The following PUM2 variants were observed in gnomAD, a reference collection of about 807,000 sequenced individuals.
PUM2 encodes the protein pumilio RNA binding family member 2.
In PUM2, 57 loss-of-function variants were observed where a neutral mutation model predicts 124.5. That is an observed-to-expected ratio of 0.46 (90% CI 0.37 to 0.57). The LOEUF is 0.57. PUM2 is among the 20% of genes least tolerant of loss of function. PUM2 has a pLI of 0.00. For missense variants in PUM2, 1,065 were observed against 1,290.6 expected, an observed-to-expected ratio of 0.83 and a Z score of 2.68; for synonymous variants, 460 against 446.1, an observed-to-expected ratio of 1.03 and a Z score of -0.39.
At chr2:20,279,634 A>C (rs1244183050) in intron 12 of PUM2, among the ~76,000 whole-genome samples, 56 of 152,072 alleles carry the variant, frequency 3.7e-4, no homozygotes, top group Admixed American at 3.6e-3. Context: ...TGCATACCAA[A>C]TTTTTACTTA....
At chr2:20,350,854 C>T (rs1558707040), upstream of PUM2, 1 of 957,510 alleles carries the variant, frequency 1.0e-6, no homozygotes, top group Non-Finnish European at 1.2e-6. Flanking sequence ...TCCCCCCCGC[C>T]CACCGGGCGC....
Position 20,287,236 on chromosome 2 carries a change from T to C in PUM2, c.1291+3416A>G, listed in dbSNP as rs146144530. The stretch of plus-strand genomic sequence containing the variant: ...CCACATTAAAATAAGAGTTGTAGAA[T>C]GGTGAAAATAAACCACAAATAGCTA... On this transcript the variant is annotated intron_variant, in intron 10 of 20. Transcript: ENST00000361078. 5.0e-3 allele frequency among the ~76,000 whole-genome samples: 765 copies of C among 152,260 alleles called. 6 individuals are homozygous for C. The highest frequency in any genetic ancestry group is 0.018 in the African/African-American group (739 of 41,538).
intron 1 of PUM2, among the ~76,000 whole-genome samples, chr2:20,331,117 C>T (rs989500879): frequency 7.0e-6 from 1 of 141,878 alleles, no homozygotes; most frequent in African/African-American, 2.6e-5. Context: ...TTGGTTCAGA[C>T]AACTTGGGGA....
rs1663258103 is a variant in PUM2 at position 20,251,410 on chromosome 2, C to T, written c.*175G>A. ...ATATAATTTATAATTCATCCCCCAC[C>T]CCCCAAATATACACAAGAACCTTAA... is the stretch of plus-strand genomic sequence containing the variant. On this transcript the variant is annotated 3_prime_UTR_variant, in exon 21 of 21. Transcript: ENST00000361078. 1.4e-6 allele frequency: 1 copy of T among 707,566 alleles called. No individual in the cohort carries two copies. Among genetic ancestry groups the T allele is most frequent in the East Asian group, 3.1e-5 (1 of 32,740 alleles). 43.8% of individuals were successfully genotyped at this position (707,566 alleles called of 1,614,324 possible). A position where few individuals can be genotyped will look rare whatever the true frequency, so the allele number is the denominator to read the frequency against.
intron 1 of PUM2, among the ~76,000 whole-genome samples, chr2:20,336,799 TGTGG>T (rs895164744): frequency 7.8e-5 from 9 of 115,432 alleles, no homozygotes; most frequent in Admixed American, 1.9e-4. Flanking sequence ...TGTGTGTGTG[TGTGG>T]TACAGACGGG....
intron 8 of PUM2, among the ~76,000 whole-genome samples, chr2:20,295,492 C>A (rs936053245): frequency 6.6e-6 from 1 of 151,572 alleles, no homozygotes; most frequent in African/African-American, 2.4e-5. Flanking sequence ...GTAAGCTGAA[C>A]CTGAAATGAG....
Position 20,297,564 on chromosome 2 carries a change from G to T in PUM2, c.998C>A (p.Ala333Asp), listed in dbSNP as rs1469866416. The change falls in exon 8 of 21, where the codon GCT becomes GAT. Residue 333 changes from alanine (A) to aspartate (D), a missense_variant. This residue lies in a region of PUM2 where 968 missense variants were observed against 1,159.8 expected (regional missense o/e 0.83). Coordinates refer to ENST00000361078, the MANE Select transcript of PUM2 (RefSeq NM_015317.5). ...PYTAAGLAAAATLAGPAVVPP... is the reference protein window; with the variant it reads ...PYTAAGLAAADTLAGPAVVPP... ...AAATAGTATGTTACCTGCTAATGTA[G>T]CTGCTGCAGCCAATCCTGCTGCAGT... 2.5e-6 allele frequency: 4 copies of T among 1,598,834 alleles called. No individual in the cohort carries two copies. Among genetic ancestry groups the T allele is most frequent in the Non-Finnish European group, 3.4e-6 (4 of 1,170,836 alleles).
intron 20 of PUM2, 148 bp from the exon 21 acceptor site, chr2:20,251,864 T>C (rs1663438666): frequency 3.5e-6 from 3 of 864,856 alleles, no homozygotes; most frequent in Non-Finnish European, 3.5e-6. Flanking sequence ...GCAAAAGCAG[T>C]TGTGATCTGC....
chr2:20,293,528 G>A (rs934515987), intron 9 of PUM2, among the ~76,000 whole-genome samples: 4 of 152,084 alleles, frequency 2.6e-5, no homozygotes, highest in Non-Finnish European at 1.5e-5. Flanking sequence ...GGCCAACATG[G>A]TGAAACCCCG....
chr2:20,305,152 G>GT (rs1381233070), intron 7 of PUM2, among the ~76,000 whole-genome samples: 9 of 152,038 alleles, frequency 5.9e-5, no homozygotes, highest in African/African-American at 2.2e-4. Flanking sequence ...TAAAGATTAC[G>GT]TAAGTCCAAT....
intron 9 of PUM2, among the ~76,000 whole-genome samples, chr2:20,294,024 A>G (rs1389128283): frequency 1.3e-5 from 2 of 152,200 alleles, no homozygotes; most frequent in South Asian, 2.1e-4. Context: ...ACACATTAAC[A>G]TTTAAAATTG....
At chr2:20,337,665 T>A (rs923580571) in intron 1 of PUM2, among the ~76,000 whole-genome samples, 1 of 152,222 alleles carries the variant, frequency 6.6e-6, no homozygotes, top group African/African-American at 2.4e-5. Context: ...TTTAAAACAT[T>A]TATAAACTGC....
intron 5 of PUM2, among the ~76,000 whole-genome samples, chr2:20,310,060 A>G (rs1679267931): frequency 2.0e-5 from 3 of 152,188 alleles, no homozygotes; most frequent in East Asian, 3.9e-4. Context: ...TAAGTGTCCA[A>G]TAGTTCTTTT....
chr2:20,263,479 G>C lies in PUM2; in HGVS notation c.1958-19C>G, dbSNP rs1666789489. 2 of 1,559,622 alleles carry C rather than the reference G, an allele frequency of 1.3e-6. No individual in the cohort carries two copies. On this transcript the variant is annotated intron_variant, in intron 13 of 20. Transcript: ENST00000361078. ...AGTCCTCCTACAACAAAGCAGCTAT[G>C]GTCAGCAAGTATTTTTGACAAAGTT...
intron 13 of PUM2, 35 bp downstream of exon 13, chr2:20,278,548 C>A: frequency 6.7e-7 from 1 of 1,489,518 alleles, no homozygotes; most frequent in Non-Finnish European, 9.3e-7. Flanking sequence ...TACATGTATA[C>A]ATACAAATAA....
intron 12 of PUM2, among the ~76,000 whole-genome samples, chr2:20,280,608 A>G (rs1481471649): frequency 6.6e-6 from 1 of 152,204 alleles, no homozygotes; most frequent in Non-Finnish European, 1.5e-5. Flanking sequence ...GACACATGCA[A>G]TATTATTTTC....
chr2:20,271,925 G>C (rs191198827), intron 13 of PUM2, among the ~76,000 whole-genome samples: 14 of 152,150 alleles, frequency 9.2e-5, no homozygotes, highest in Non-Finnish European at 5.9e-5. Flanking sequence ...TTGGGAGACC[G>C]AGGCAAGTGG....
chr2:20,307,654 T>A (rs1445210252), intron 7 of PUM2, among the ~76,000 whole-genome samples: 1 of 152,156 alleles, frequency 6.6e-6, no homozygotes, highest in African/African-American at 2.4e-5. Flanking sequence ...TACAAAAAAA[T>A]GTAAATGAAC....
intron 12 of PUM2, among the ~76,000 whole-genome samples, chr2:20,279,820 A>C (rs1671088746): frequency 6.6e-6 from 1 of 152,136 alleles, no homozygotes; most frequent in African/African-American, 2.4e-5. Flanking sequence ...AGGGCTGTCC[A>C]AACTCTCAGT....
Sources: gnomAD v4.1 joint callset for allele counts (sites outside exome capture counted in the v4.1 genomes callset) on GRCh38, gnomAD v4.1.1 for gene constraint, gnomAD v4.1.1 regional missense constraint, MANE v1.5 for transcripts, NCBI Gene and HGNC (gene_info 2026-07-23, HGNC 2026-07-21) for gene names.